Variants in RMND5A observed in about 807,000 individuals in gnomAD.
RMND5A encodes the protein required for meiotic nuclear division 5 homolog A, also known as E3 ubiquitin-protein transferase RMND5A.
A neutral mutation model predicts 49.7 loss-of-function variants in RMND5A; 17 were observed. The ratio of observed to expected loss-of-function variants is 0.34; its 90% CI spans 0.23 to 0.51. The LOEUF is 0.51. Among genes scored for constraint, RMND5A ranks in the 20% least tolerant of loss-of-function variants. The pLI is 0.96. For missense variants in RMND5A, 255 were observed against 471.3 expected (o/e 0.54, Z 4.25); for synonymous variants, 156 against 167.7 (o/e 0.93, Z 0.54).
At position 86,771,589 on chromosome 2, in the gene RMND5A, A is replaced by G. The variant is rs749759384; in HGVS notation, c.989A>G (p.Tyr330Cys). The G allele has an allele frequency of 1.9e-6, 3 of 1,609,794 alleles. No individual in the cohort carries two copies. Among genetic ancestry groups the G allele is most frequent in the Non-Finnish European group, 2.5e-6 (3 of 1,178,964 alleles). The change falls in exon 8 of 9, where the codon TAT becomes TGT. Residue 330 changes from tyrosine (Y) to cysteine (C), a missense_variant. Around this residue, in one of 3 missense-constraint regions of RMND5A, gnomAD observed 208 missense variants for 339.8 expected, o/e 0.61. Transcript: ENST00000283632. ...GTGGACCTTGGTAAAAAGTGCTGGTATCACTCTATATTTGCCTGCCCCATT... is the reference window on the plus strand; with the variant it reads ...GTGGACCTTGGTAAAAAGTGCTGGTGTCACTCTATATTTGCCTGCCCCATT... ...IEVDLGKKCW[Y>C]HSIFACPILR...
At chr2:86,758,752 C>G (rs1681791199) in intron 4 of RMND5A, among the ~76,000 whole-genome samples, 1 of 152,190 alleles carries the variant, frequency 6.6e-6, no homozygotes, top group South Asian at 2.1e-4. Context: ...CAGCCCATAG[C>G]TGAAAAATTA....
Position 86,720,504 on chromosome 2 carries a change from G to T in RMND5A, c.-164G>T. 3.0e-6 allele frequency: 1 copy of T among 332,562 alleles called. No individual in the cohort carries two copies. Among genetic ancestry groups the T allele is most frequent in the Non-Finnish European group, 4.8e-6 (1 of 206,558 alleles). 20.6% of individuals were successfully genotyped at this position (332,562 alleles called of 1,614,324 possible). The stretch of plus-strand genomic sequence containing the variant: ...TGGGGCAGGCGGGCTCCGGCTGCGC[G>T]GGGCTCCCCCGGCGCCGCGGCTAGT... On this transcript the variant is annotated 5_prime_UTR_variant, in exon 1 of 9. Coordinates refer to ENST00000283632, the MANE Select transcript of RMND5A (RefSeq NM_022780.4).
intron 2 of RMND5A, among the ~76,000 whole-genome samples, chr2:86,743,954 G>C (rs1185943832): frequency 2.0e-5 from 3 of 150,776 alleles, no homozygotes; most frequent in African/African-American, 7.3e-5. Flanking sequence ...CTCCAGTCTG[G>C]GCAACAGAGC....
At chr2:86,760,200 A>C (rs988439381) in intron 4 of RMND5A, among the ~76,000 whole-genome samples, 1 of 152,008 alleles carries the variant, frequency 6.6e-6, no homozygotes, top group African/African-American at 2.4e-5. Context: ...ATGCGCCACC[A>C]CACCCGACTA....
intron 2 of RMND5A, among the ~76,000 whole-genome samples, chr2:86,743,751 C>G (rs1025054363): frequency 6.6e-6 from 1 of 151,822 alleles, no homozygotes; most frequent in Admixed American, 6.6e-5. Context: ...TTTGGGAGGC[C>G]GAGGCAGGCG....
In RMND5A at chr2:86,752,037, G is replaced by A. The variant is rs768283493; in HGVS notation, c.420+7G>A. ...GGCTGAGGAGCTCTGTCAGGTAACA[G>A]TGTGCCAACTGGGAGGATATGAAAA... On this transcript the variant is annotated splice_region_variant and intron_variant, in intron 3 of 8. Transcript: ENST00000283632. The A allele has an allele frequency of 6.2e-7, 1 of 1,613,082 alleles. No individual in the cohort carries two copies. The highest frequency in any genetic ancestry group is 8.5e-7 in the Non-Finnish European group (1 of 1,179,526).
At chr2:86,772,906 C>T (rs926049378) in intron 8 of RMND5A, among the ~76,000 whole-genome samples, 35 of 152,084 alleles carry the variant, frequency 2.3e-4, no homozygotes, top group Non-Finnish European at 4.4e-4. Flanking sequence ...TCAGGCTGTA[C>T]TGGTTTCATG....
chr2:86,757,174 C>CAAAAAAAAA (rs60710494), intron 4 of RMND5A, among the ~76,000 whole-genome samples: 50 of 97,952 alleles, frequency 5.1e-4, no homozygotes, highest in African/African-American at 1.5e-3. Context: ...AACTCAGTCT[C>CAAAAAAAAA]AAAAAAAAAA....
rs769980625 is a variant in RMND5A, at chr2:86,777,195, C to G, written c.*3784C>G. The G allele has an allele frequency of 6.6e-6, 1 of 152,182 alleles. No individual in the cohort carries two copies. Among genetic ancestry groups the G allele is most frequent in the Non-Finnish European group, 1.5e-5 (1 of 68,044 alleles). 9.4% of individuals were successfully genotyped at this position (152,182 alleles called of 1,614,324 possible). A position where few individuals can be genotyped will look rare whatever the true frequency, so the allele number is the denominator to read the frequency against. On this transcript the variant is annotated 3_prime_UTR_variant, in exon 9 of 9. Transcript: ENST00000283632. ...AGTGGGCATATGCTTCATTTACTTC[C>G]AAAGAGGCAAAAGCAGCTGGAATTG...
At chr2:86,754,562 C>A (rs943968024) in intron 4 of RMND5A, among the ~76,000 whole-genome samples, 32 of 152,006 alleles carry the variant, frequency 2.1e-4, no homozygotes, top group African/African-American at 7.7e-4. Flanking sequence ...TCTTTCTAAT[C>A]ATTTCTCAGT....
chr2:86,772,670 C>T (rs1053728354), intron 8 of RMND5A, among the ~76,000 whole-genome samples: 10 of 151,706 alleles, frequency 6.6e-5, no homozygotes, highest in Admixed American at 1.3e-4. Context: ...TCTCAGCTCA[C>T]TGCAACCTCT....
intron 1 of RMND5A, among the ~76,000 whole-genome samples, chr2:86,721,323 C>T (rs1456477787): frequency 6.6e-6 from 1 of 151,938 alleles, no homozygotes; most frequent in African/African-American, 2.4e-5. Flanking sequence ...TTTGGAAAGT[C>T]GAGCGTTATT....
At chr2:86,762,071 A>G (rs1672497455) in intron 4 of RMND5A, among the ~76,000 whole-genome samples, 1 of 152,236 alleles carries the variant, frequency 6.6e-6, no homozygotes. Context: ...CTTTTACATT[A>G]GCTTAAAAAG....
At chr2:86,729,373 A>C (rs1212157360) in intron 1 of RMND5A, among the ~76,000 whole-genome samples, 1 of 151,444 alleles carries the variant, frequency 6.6e-6, no homozygotes, top group Non-Finnish European at 1.5e-5. Flanking sequence ...AGATCACCTC[A>C]TCAGTAGTTA....
At chr2:86,723,952 G>A (rs1466460016) in intron 1 of RMND5A, among the ~76,000 whole-genome samples, 1 of 152,082 alleles carries the variant, frequency 6.6e-6, no homozygotes, top group Non-Finnish European at 1.5e-5. Context: ...TTTTTAAAAT[G>A]CAAGTTTCTT....
chr2:86,752,149 T>A, intron 3 of RMND5A, 119 bp downstream of exon 3: 1 of 908,694 alleles, frequency 1.1e-6, no homozygotes, highest in Non-Finnish European at 1.6e-6. Flanking sequence ...TTTTAATATT[T>A]AAATTATCAG....
Position 86,765,902 on chromosome 2 carries a change from G to A in RMND5A, c.732G>A (p.Gly244=), listed in dbSNP as rs1672583151. The A allele has an allele frequency of 6.2e-7, 1 of 1,613,946 alleles. No individual in the cohort carries two copies. The highest frequency in any genetic ancestry group is 1.1e-5 in the South Asian group (1 of 91,074). The stretch of plus-strand genomic sequence containing the variant: ...GAAGCCTTGTGTACCTGAGACAAGG[G>A]ATTGAGAACTCACCATATGTTCACC... ...LMGSLVYLRQ[G]IENSPYVHLL... Residue 244 remains glycine, a synonymous_variant, in exon 6 of 9, where the codon GGG becomes GGA. Transcript: ENST00000283632.
chr2:86,721,102 G>A (rs1473695624), intron 1 of RMND5A: 3 of 302,640 alleles, frequency 9.9e-6, no homozygotes, highest in Admixed American at 5.3e-5. Flanking sequence ...CATCGCACCT[G>A]CAAACTGCCG....
intron 2 of RMND5A, among the ~76,000 whole-genome samples, chr2:86,746,409 T>A (rs1302607544): frequency 6.6e-6 from 1 of 152,242 alleles, no homozygotes; most frequent in Non-Finnish European, 1.5e-5. Context: ...CAGATTCAGC[T>A]ACTGTGTATT....
Sources: gnomAD v4.1 joint callset for allele counts (sites outside exome capture counted in the v4.1 genomes callset) on GRCh38, gnomAD v4.1.1 for gene constraint, gnomAD v4.1.1 regional missense constraint, MANE v1.5 for transcripts, NCBI Gene and HGNC (gene_info 2026-07-23, HGNC 2026-07-21) for gene names.